AFAP1: variants seen among roughly 807,000 people sequenced by gnomAD.
AFAP1 encodes actin filament associated protein 1.
A neutral mutation model predicts 93.9 loss-of-function variants in AFAP1; 75 were observed. The observed-to-expected ratio is 0.80, with a 90% confidence interval of 0.66 to 0.97. The LOEUF is 0.97. AFAP1 is among the 50% of genes least tolerant of loss of function. AFAP1 has a pLI of 0.00. For synonymous variants in AFAP1, 517 were observed against 430.7 expected (o/e 1.20, Z -2.48); for missense variants, 1,201 against 1,050.8 (o/e 1.14, Z -1.98).
At chr4:7,871,796 T>G (rs537636555) in intron 2 of AFAP1, among the ~76,000 whole-genome samples, 156 bp downstream of exon 2, 1 of 152,314 alleles carries the variant, frequency 6.6e-6, no homozygotes, top group Admixed American at 6.5e-5. Flanking sequence ...ACACAGAACT[T>G]GGCACAAGTG....
chr4:7,910,353 G>A (rs186612975), intron 1 of AFAP1, among the ~76,000 whole-genome samples: 1 of 152,166 alleles, frequency 6.6e-6, no homozygotes, highest in Admixed American at 6.5e-5. Flanking sequence ...GTCTTGGTGT[G>A]GCCAACAGTT....
intron 9 of AFAP1, among the ~76,000 whole-genome samples, chr4:7,809,146 G>A (rs1056440036): frequency 1.3e-5 from 2 of 151,842 alleles, no homozygotes; most frequent in Non-Finnish European, 2.9e-5. Flanking sequence ...TGCCATGCTG[G>A]CGTGCTGCAC....
intron 11 of AFAP1, chr4:7,788,650 T>A (rs1299801154): frequency 1.3e-5 from 2 of 152,212 alleles, no homozygotes; most frequent in East Asian, 1.9e-4. Flanking sequence ...AGTAAAAGAT[T>A]TTGATTTTTA....
At chr4:7,915,855 A>G (rs1408154269) in intron 1 of AFAP1, among the ~76,000 whole-genome samples, 2 of 152,276 alleles carry the variant, frequency 1.3e-5, no homozygotes, top group Non-Finnish European at 2.9e-5. Flanking sequence ...CACTCTACAT[A>G]CAATTAGCAA....
rs28669852 is a variant in AFAP1, at chr4:7,843,226, G to A, written c.459C>T (p.Asp153=). 113,479 of 1,614,138 alleles carry A rather than the reference G, an allele frequency of 0.07. 4,632 individuals are homozygous for A. Among genetic ancestry groups the A allele is most frequent in the Non-Finnish European group, 0.081 (96,156 of 1,180,014 alleles). Residue 153 remains aspartate (D), a synonymous_variant, in exon 5 of 18, where the codon GAC becomes GAT. Transcript: ENST00000420658. The stretch of plus-strand genomic sequence containing the variant: ...GCAGCAGGAAGGCGCAGATTTTGGC[G>A]TCCTTGACCAGGTCCATGGAGGCCT... The part of the protein sequence containing the change: ...SEEASMDLVK[D]AKICAFLLRK...
chr4:7,901,483 C>G (rs960970408), intron 1 of AFAP1, among the ~76,000 whole-genome samples: 1 of 152,218 alleles, frequency 6.6e-6, no homozygotes, highest in African/African-American at 2.4e-5. Flanking sequence ...CAAGCAAGAC[C>G]GGTCTCCGTG....
intron 1 of AFAP1, among the ~76,000 whole-genome samples, chr4:7,903,908 G>A (rs574786389): frequency 6.6e-6 from 1 of 151,554 alleles, no homozygotes; most frequent in South Asian, 2.1e-4. Flanking sequence ...TGTACTTCAA[G>A]GAAAAAGCTC....
chr4:7,933,040 A>C (rs111699215), intron 1 of AFAP1, among the ~76,000 whole-genome samples: 3 of 118,890 alleles, frequency 2.5e-5, no homozygotes, highest in Non-Finnish European at 3.5e-5. Context: ...AAAAAAAAAA[A>C]GGGGGGGGAT....
intron 17 of AFAP1, among the ~76,000 whole-genome samples, chr4:7,767,337 C>G (rs1014462284): frequency 2.6e-5 from 4 of 152,146 alleles, no homozygotes; most frequent in Non-Finnish European, 5.9e-5. Flanking sequence ...GTGATGGGAG[C>G]CCTTTTGAGG....
chr4:7,830,351 C>T (rs1050184854), intron 6 of AFAP1, among the ~76,000 whole-genome samples: 7 of 152,142 alleles, frequency 4.6e-5, no homozygotes, highest in Non-Finnish European at 8.8e-5. Flanking sequence ...TCCAATGTAA[C>T]AGGAGCGTCC....
At chr4:7,773,213 G>A (rs748038414) in intron 15 of AFAP1, 39 of 790,686 alleles carry the variant, frequency 4.9e-5, no homozygotes, top group Middle Eastern at 3.7e-4. Flanking sequence ...TGCTGCAGCC[G>A]TTGAGGACTC....
At chr4:7,791,659 C>G (rs1717864538) in intron 11 of AFAP1, among the ~76,000 whole-genome samples, 1 of 151,232 alleles carries the variant, frequency 6.6e-6, no homozygotes, top group Non-Finnish European at 1.5e-5. Flanking sequence ...TGAGACCAGC[C>G]TGGGCAACAT....
rs575356483 is a variant in AFAP1 at position 7,870,135 on chromosome 4, T to C, written c.128-1416A>G. On this transcript the variant is annotated intron_variant, in intron 2 of 17. Transcript: ENST00000420658. ...GGTCAATACTACCATTAGCCCTTTT[T>C]ATACACGGAGGAAACTGAAGTATAA... Among the ~76,000 whole-genome samples, 6 of 152,324 alleles carry C rather than the reference T, an allele frequency of 3.9e-5. No homozygotes were observed. The East Asian group carries it at 9.6e-4, about 24-fold the overall frequency.
At chr4:7,784,001 T>C (rs1172494771) in intron 12 of AFAP1, among the ~76,000 whole-genome samples, 1 of 151,942 alleles carries the variant, frequency 6.6e-6, no homozygotes, top group Admixed American at 6.5e-5. Context: ...ACAGGGCAAA[T>C]GGAGGCAGAA....
chr4:7,853,894 G>C (rs995101400), intron 4 of AFAP1, among the ~76,000 whole-genome samples: 1 of 152,150 alleles, frequency 6.6e-6, no homozygotes, highest in South Asian at 2.1e-4. Context: ...CATTCCCCAG[G>C]CGTGAGTTCC....
intron 16 of AFAP1, among the ~76,000 whole-genome samples, chr4:7,771,554 G>T (rs771976118): frequency 6.6e-6 from 1 of 152,190 alleles, no homozygotes; most frequent in African/African-American, 2.4e-5. Flanking sequence ...AGATGTGAAT[G>T]ATGTGAATGA....
At chr4:7,854,797 C>T (rs1014163679) in intron 4 of AFAP1, among the ~76,000 whole-genome samples, 1 of 152,030 alleles carries the variant, frequency 6.6e-6, no homozygotes, top group African/African-American at 2.4e-5. Context: ...GATGGTAGCC[C>T]CCCGCCTGAC....
intron 6 of AFAP1, among the ~76,000 whole-genome samples, 196 bp from the exon 7 acceptor site, chr4:7,819,367 A>T (rs1720767454): frequency 6.6e-6 from 1 of 152,300 alleles, no homozygotes; most frequent in East Asian, 1.9e-4. Context: ...AAGTCTATCA[A>T]CGCTGGTACT....
intron 5 of AFAP1, 129 bp from the exon 6 acceptor site, chr4:7,838,832 G>T: frequency 1.2e-6 from 1 of 840,358 alleles, no homozygotes; most frequent in African/African-American, 1.8e-5. Context: ...AGATGAGCAG[G>T]TTCACACACA....
Sources: allele counts gnomAD v4.1 joint callset (sites outside exome capture counted in the v4.1 genomes callset), GRCh38; gene constraint gnomAD v4.1.1; transcripts MANE v1.5; gene names NCBI Gene and HGNC (gene_info 2026-07-23, HGNC 2026-07-21).